Variants in PIBF1 observed in about 807,000 individuals in gnomAD.
The protein encoded by PIBF1 is progesterone-induced-blocking factor 1.
Under a neutral mutation model 112.5 loss-of-function variants are expected in PIBF1, and 90 were observed. That is an observed-to-expected ratio of 0.80 (90% CI 0.67 to 0.95). The LOEUF is 0.95. Ranked by LOEUF, PIBF1 falls within the 40% of genes least tolerant of loss-of-function variation. The pLI is 0.00. For missense variants in PIBF1, 915 were observed against 852.3 expected, an observed-to-expected ratio of 1.07 and a Z score of -0.92; for synonymous variants, 301 against 288.6, an observed-to-expected ratio of 1.04 and a Z score of -0.44.
intron 12 of PIBF1, among the ~76,000 whole-genome samples, chr13:72,910,369 A>C (rs936907045): frequency 2.0e-5 from 3 of 151,954 alleles, no homozygotes; most frequent in African/African-American, 7.2e-5. Context: ...TTCTGCTTTC[A>C]TATCTTGCCA....
chr13:72,873,765 A>C (rs1302008183), intron 10 of PIBF1, among the ~76,000 whole-genome samples: 1 of 99,156 alleles, frequency 1.0e-5, no homozygotes, highest in Non-Finnish European at 2.0e-5. Context: ...ATTGGACTTT[A>C]CTCAAAATAA....
intron 14 of PIBF1, among the ~76,000 whole-genome samples, chr13:72,942,214 T>C (rs1477347607): frequency 6.8e-6 from 1 of 146,164 alleles, no homozygotes; most frequent in African/African-American, 2.5e-5. Context: ...CTAAACAATC[T>C]AGATCTGATT....
rs141338901 is a variant in PIBF1 at position 72,963,804 on chromosome 13, T to C, written c.1834-1470T>C. ...GGAAGACTTCTCTCCAAAGAAGATA[T>C]ACAAATGCCCAGTATGCACATGAAA... On this transcript the variant is annotated intron_variant, in intron 14 of 17. Coordinates refer to ENST00000326291, the MANE Select transcript of PIBF1 (RefSeq NM_006346.4). Among the ~76,000 whole-genome samples the C allele has an allele frequency of 8.5e-3, 1,294 of 152,230 alleles. 67 individuals carry two copies. The highest frequency in any genetic ancestry group is 9.7e-3 in the East Asian group (50 of 5,172).
intron 16 of PIBF1, among the ~76,000 whole-genome samples, chr13:72,979,185 T>C (rs2043095135): frequency 6.6e-6 from 1 of 152,196 alleles, no homozygotes; most frequent in Admixed American, 6.5e-5. Flanking sequence ...ACAGCAACAC[T>C]GTCTTTTAGA....
chr13:72,813,183 A>AT (rs1189667449), intron 5 of PIBF1, among the ~76,000 whole-genome samples: 2 of 152,224 alleles, frequency 1.3e-5, no homozygotes, highest in African/African-American at 4.8e-5. Context: ...TTAAGGTTAA[A>AT]TTATATAGTC....
rs78807874 is a variant in PIBF1, at chr13:72,914,396, T to G, written c.1640-2680T>G. On this transcript the variant is annotated intron_variant, in intron 12 of 17. Coordinates refer to ENST00000326291, the MANE Select transcript of PIBF1 (RefSeq NM_006346.4). ...ATTAGAAAAAAAAAACAACCTAGAT[T>G]TCTAGTTGTTAAATTCAGTTACCTG... 7.9e-5 allele frequency among the ~76,000 whole-genome samples: 12 copies of G among 152,092 alleles called. No individual in the cohort carries two copies. The East Asian group carries it at 2.3e-3, about 29-fold the overall frequency.
chr13:72,795,439 T>C lies in PIBF1; in HGVS notation c.434T>C (p.Leu145Pro), dbSNP rs1046491749. ...CAACTAGAAGAGACAAATCTTCAGC[T>C]AAGAGAAAAAGCTGGAGATGTTCGT... ...QKQLEETNLQ[L>P]REKAGDVRRN... is the part of the protein sequence containing the mutation. The change falls in exon 4 of 18, where the codon CTA (leucine) becomes CCA (proline). Residue 145 changes from leucine (L) to proline (P), a missense_variant. Transcript: ENST00000326291. The C allele has an allele frequency of 3.7e-6, 6 of 1,610,194 alleles. No individual in the cohort carries two copies. The highest frequency in any genetic ancestry group is 5.1e-6 in the Non-Finnish European group (6 of 1,178,532).
At chr13:72,953,844 G>A (rs2042369062) in intron 14 of PIBF1, among the ~76,000 whole-genome samples, 1 of 152,148 alleles carries the variant, frequency 6.6e-6, no homozygotes, top group African/African-American at 2.4e-5. Flanking sequence ...ATTTGTGCTT[G>A]CCTTATGTTA....
At chr13:72,826,423 G>T (rs1305517042) in intron 6 of PIBF1, among the ~76,000 whole-genome samples, 1 of 152,216 alleles carries the variant, frequency 6.6e-6, no homozygotes, top group Non-Finnish European at 1.5e-5. Context: ...CTGCAGGGAA[G>T]TAGTTAAGAG....
rs1307624283 is a variant in PIBF1 at position 72,795,433 on chromosome 13, T to G, written c.428T>G (p.Leu143Arg). Residue 143 changes from leucine (L) to arginine (R), a missense_variant, in exon 4 of 18, where the codon CTT (leucine) becomes CGT (arginine). By Grantham distance (102) the Leu-to-Arg change is moderately radical. Transcript: ENST00000326291. ...LRQKQLEETN[L>R]QLREKAGDVR... ...CAGAAACAACTAGAAGAGACAAATCTTCAGCTAAGAGAAAAAGCTGGAGAT... is the reference window on the plus strand; with the variant it reads ...CAGAAACAACTAGAAGAGACAAATCGTCAGCTAAGAGAAAAAGCTGGAGAT... 6 of 1,610,212 alleles carry G rather than the reference T, an allele frequency of 3.7e-6. No individual in the cohort carries two copies. Among genetic ancestry groups the G allele is most frequent in the Non-Finnish European group, 5.1e-6 (6 of 1,178,488 alleles).
intron 10 of PIBF1, among the ~76,000 whole-genome samples, chr13:72,865,306 T>C (rs945385019): frequency 1.3e-5 from 2 of 152,204 alleles, no homozygotes; most frequent in Admixed American, 6.5e-5. Flanking sequence ...CTGTAAGCCA[T>C]TCAGGCCGTG....
At position 72,965,400 on chromosome 13, in the gene PIBF1, G is replaced by A. The variant is rs1341887215; in HGVS notation, c.1960G>A (p.Val654Ile). 6.2e-7 allele frequency: 1 copy of A among 1,606,466 alleles called. No homozygotes were observed. Among genetic ancestry groups the A allele is most frequent in the Non-Finnish European group, 8.5e-7 (1 of 1,176,848 alleles). ...TESIAQLEKD[V>I]SNLNKEKSAL... ...ATCTATTGCACAACTTGAGAAAGAT[G>A]TCAGGTAAACCATCTACAAATCTTT... The change falls in exon 15 of 18, where the codon GTC becomes ATC. Residue 654 changes from valine to isoleucine, a missense_variant. Coordinates refer to ENST00000326291, the MANE Select transcript of PIBF1 (RefSeq NM_006346.4).
chr13:72,797,481 A>T (rs1413587000), intron 4 of PIBF1, among the ~76,000 whole-genome samples: 1 of 152,228 alleles, frequency 6.6e-6, no homozygotes, highest in Non-Finnish European at 1.5e-5. Flanking sequence ...GGGCTTTACT[A>T]ACAAGGTAAT....
intron 10 of PIBF1, among the ~76,000 whole-genome samples, chr13:72,879,840 T>C (rs116893214): frequency 6.6e-6 from 1 of 152,356 alleles, no homozygotes; most frequent in Non-Finnish European, 1.5e-5. Context: ...ATGAAAATTA[T>C]ATGAAATGTA....
At chr13:72,901,701 C>G (rs868137685) in intron 11 of PIBF1, among the ~76,000 whole-genome samples, 18 of 149,714 alleles carry the variant, frequency 1.2e-4, no homozygotes, top group African/African-American at 4.1e-4. Context: ...AAAAAAAAAA[C>G]CAACCAGTAG....
intron 8 of PIBF1, among the ~76,000 whole-genome samples, chr13:72,832,565 C>A (rs976479716): frequency 6.6e-6 from 1 of 152,130 alleles, no homozygotes; most frequent in African/African-American, 2.4e-5. Context: ...GTTGAAAATT[C>A]TTTTCTTTAA....
At chr13:72,819,653 G>T (rs193223685) in intron 5 of PIBF1, among the ~76,000 whole-genome samples, 11 of 152,084 alleles carry the variant, frequency 7.2e-5, no homozygotes, top group African/African-American at 2.7e-4. Flanking sequence ...ATAATTTTTA[G>T]ATCCCATCAT....
chr13:72,918,479 C>T (rs2041177201), intron 13 of PIBF1, among the ~76,000 whole-genome samples: 1 of 150,932 alleles, frequency 6.6e-6, no homozygotes, highest in Admixed American at 6.6e-5. Flanking sequence ...CCTCCACCTT[C>T]CAGGTTCAAG....
chr13:72,783,427 T>C lies in PIBF1; in HGVS notation c.-43T>C. The C allele has an allele frequency of 7.5e-7, 1 of 1,338,702 alleles. No homozygotes were observed. The highest frequency in any genetic ancestry group is 1.0e-6 in the Non-Finnish European group (1 of 954,650). The allele number at this position is 1,338,702 out of a possible 1,614,324, so 82.9% of individuals were successfully genotyped here. A position where few individuals can be genotyped will look rare whatever the true frequency, so the allele number is the denominator to read the frequency against. ...TTAATGTTTTTTAACCTACAGAATATTAAAATCAAATTAGAGAAGAAAACT... is the reference window on the plus strand; with the variant it reads ...TTAATGTTTTTTAACCTACAGAATACTAAAATCAAATTAGAGAAGAAAACT... On this transcript the variant is annotated 5_prime_UTR_variant, in exon 2 of 18. Coordinates refer to ENST00000326291, the MANE Select transcript of PIBF1 (RefSeq NM_006346.4).
Sources: gnomAD v4.1 joint callset for allele counts (sites outside exome capture counted in the v4.1 genomes callset) on GRCh38, gnomAD v4.1.1 for gene constraint, MANE v1.5 for transcripts, NCBI Gene and HGNC (gene_info 2026-07-23, HGNC 2026-07-21) for gene names.